Variants in MTX2 observed in about 807,000 individuals in gnomAD.
The protein encoded by MTX2 is metaxin-2.
A neutral mutation model predicts 42.3 loss-of-function variants in MTX2; 35 were observed. The observed-to-expected ratio is 0.83, with a 90% CI of 0.63 to 1.10. The LOEUF (loss-of-function observed/expected upper bound fraction) is 1.10, where lower values mean the gene tolerates loss of function less well. MTX2 is among the 50% of genes least tolerant of loss of function. The probability of loss-of-function intolerance (pLI) is 0.00; values close to 1 mark genes in which losing one functional copy is unlikely to be tolerated. For missense variants in MTX2, 307 were observed against 304.1 expected, an observed-to-expected ratio of 1.01 and a Z score of -0.07; for synonymous variants, 119 against 100.9, an observed-to-expected ratio of 1.18 and a Z score of -1.08.
intron 1 of MTX2, among the ~76,000 whole-genome samples, chr2:176,278,051 T>G (rs1291928028): frequency 7.5e-6 from 1 of 133,574 alleles, no homozygotes; most frequent in Non-Finnish European, 1.6e-5. Flanking sequence ...GTTTTTTTTT[T>G]TTTTTTTTTT....
At chr2:176,327,060 T>C (rs1355649711) in intron 5 of MTX2, among the ~76,000 whole-genome samples, 159 bp downstream of exon 5, 1 of 147,014 alleles carries the variant, frequency 6.8e-6, no homozygotes, top group Non-Finnish European at 1.5e-5. Flanking sequence ...TTTTTCATGA[T>C]ATAATGGCAA....
intron 1 of MTX2, among the ~76,000 whole-genome samples, chr2:176,280,281 A>G (rs922638233): frequency 3.3e-5 from 5 of 152,174 alleles, no homozygotes; most frequent in African/African-American, 7.2e-5. Context: ...GTCAAAATCT[A>G]TGTCTGAAGC....
chr2:176,275,223 T>C (rs1692919355), intron 1 of MTX2, among the ~76,000 whole-genome samples: 1 of 152,086 alleles, frequency 6.6e-6, no homozygotes, highest in African/African-American at 2.4e-5. Context: ...CTCTAGATGA[T>C]GATGTGCTGG....
chr2:176,296,931 ATGG>A (rs1683900480), intron 2 of MTX2, 24 bp downstream of exon 2: 2 of 1,600,080 alleles, frequency 1.2e-6, no homozygotes, highest in Admixed American at 3.3e-5. Context: ...ACAATTAAAA[ATGG>A]CTTTGTATCA....
At chr2:176,301,656 CT>C (rs1205987932) in intron 3 of MTX2, among the ~76,000 whole-genome samples, 1 of 152,154 alleles carries the variant, frequency 6.6e-6, no homozygotes, top group Non-Finnish European at 1.5e-5. Context: ...ACTCATAACA[CT>C]TTGCTGCATA....
At chr2:176,288,766 C>T (rs1198102701) in intron 1 of MTX2, among the ~76,000 whole-genome samples, 2 of 151,760 alleles carry the variant, frequency 1.3e-5, no homozygotes, top group Non-Finnish European at 1.5e-5. Flanking sequence ...TATGTCTTCA[C>T]CTACATTCAT....
chr2:176,329,576 T>TA (rs1684805821), intron 8 of MTX2, 150 bp downstream of exon 8: 5 of 848,472 alleles, frequency 5.9e-6, no homozygotes, highest in East Asian at 3.0e-5. Context: ...ATTTTATTTC[T>TA]AAAAAATCAT....
In MTX2 at chr2:176,328,227, G is replaced by A. The variant is rs1006239451; in HGVS notation, c.286-66G>A. 20 of 983,394 alleles carry A rather than the reference G, an allele frequency of 2.0e-5. No individual in the cohort carries two copies. The East Asian group carries it at 5.3e-4, about 26-fold the overall frequency. The allele number at this position is 983,394 out of a possible 1,614,324, so 60.9% of individuals were successfully genotyped here. ...GTTGCATGTTACGTTATTTGTTAGT[G>A]AGATAACTGAAAGTTTTTGTATATT... On this transcript the variant is annotated intron_variant, in intron 5 of 9. Transcript: ENST00000249442.
chr2:176,309,889 A>G (rs1684258164), intron 3 of MTX2, among the ~76,000 whole-genome samples: 1 of 152,074 alleles, frequency 6.6e-6, no homozygotes, highest in Non-Finnish European at 1.5e-5. Flanking sequence ...TAATTGGGGC[A>G]TTTAGCCCAT....
chr2:176,283,269 C>A (rs1309519587), intron 1 of MTX2, among the ~76,000 whole-genome samples: 1 of 152,172 alleles, frequency 6.6e-6, no homozygotes. Flanking sequence ...TTCACCTGCT[C>A]AACAAAATTA....
intron 3 of MTX2, among the ~76,000 whole-genome samples, chr2:176,308,991 C>G (rs1002690063): frequency 6.6e-6 from 1 of 152,092 alleles, no homozygotes; most frequent in Admixed American, 6.6e-5. Flanking sequence ...GTTAGGGTGT[C>G]GATTTTAGAA....
At chr2:176,270,738 A>G (rs930710233) in intron 1 of MTX2, among the ~76,000 whole-genome samples, 2 of 152,010 alleles carry the variant, frequency 1.3e-5, no homozygotes, top group African/African-American at 2.4e-5. Context: ...TAAAAACATT[A>G]TTTTTTAGAG....
intron 3 of MTX2, among the ~76,000 whole-genome samples, chr2:176,305,727 C>T (rs1026812493): frequency 6.6e-6 from 1 of 152,032 alleles, no homozygotes; most frequent in Non-Finnish European, 1.5e-5. Context: ...GTTGATGTAT[C>T]TAAAATTGAC....
chr2:176,311,402 A>G (rs1274147156), intron 3 of MTX2, among the ~76,000 whole-genome samples: 1 of 152,190 alleles, frequency 6.6e-6, no homozygotes, highest in Admixed American at 6.5e-5. Context: ...TCAGAGCTCA[A>G]ACGCTGTGGT....
chr2:176,293,001 T>G (rs1253383153), intron 1 of MTX2, among the ~76,000 whole-genome samples: 1 of 152,336 alleles, frequency 6.6e-6, no homozygotes, highest in Non-Finnish European at 1.5e-5. Context: ...CATACAAAAC[T>G]ATGTGTAGTT....
intron 9 of MTX2, among the ~76,000 whole-genome samples, chr2:176,333,992 G>A (rs993324242): frequency 6.6e-6 from 1 of 151,750 alleles, no homozygotes; most frequent in South Asian, 2.1e-4. Flanking sequence ...ACACACAACT[G>A]TATGTGCTTT....
intron 4 of MTX2, among the ~76,000 whole-genome samples, chr2:176,324,008 ATTATC>A (rs1210573047): frequency 4.0e-5 from 6 of 151,694 alleles, no homozygotes; most frequent in African/African-American, 1.4e-4. Context: ...TAAAATCAGT[ATTATC>A]TTTATGTCAG....
chr2:176,337,588 A>G lies in MTX2; in HGVS notation c.716A>G (p.Tyr239Cys), dbSNP rs371071045. 6.2e-7 allele frequency: 1 copy of G among 1,613,626 alleles called. No homozygotes were observed. The highest frequency in any genetic ancestry group is 1.1e-5 in the South Asian group (1 of 91,008). Reference protein sequence around the residue: ...NDELSEKVKNYSNLLAFCRRI... With the variant: ...NDELSEKVKNCSNLLAFCRRI... ...GAACTTTCTGAGAAGGTGAAAAACT[A>G]TAGCAACCTCCTTGCTTTCTGTAGG... The change falls in exon 10 of 10, where the codon TAT becomes TGT. Residue 239 changes from tyrosine to cysteine, a missense_variant. Physicochemically the swap from Tyr to Cys is radical, Grantham distance 194. Transcript: ENST00000249442.
intron 1 of MTX2, among the ~76,000 whole-genome samples, chr2:176,286,134 T>C (rs775970277): frequency 1.1e-4 from 16 of 152,230 alleles, no homozygotes; most frequent in Non-Finnish European, 1.8e-4. Flanking sequence ...GAGTATCTTT[T>C]CATGTGCTTT....
Sources: allele counts gnomAD v4.1 joint callset (sites outside exome capture counted in the v4.1 genomes callset), GRCh38; gene constraint gnomAD v4.1.1; transcripts MANE v1.5; gene names NCBI Gene and HGNC (gene_info 2026-07-23, HGNC 2026-07-21).